TNPO2: variants seen among roughly 807,000 people sequenced by gnomAD.
The protein encoded by TNPO2 is transportin-2.
Under a neutral mutation model 111.1 loss-of-function variants are expected in TNPO2, and 16 were observed. That is an observed-to-expected ratio of 0.14 (90% CI 0.10 to 0.22). The LOEUF is 0.22. TNPO2 is among the 10% of genes least tolerant of loss of function. The probability of loss-of-function intolerance (pLI) is 1.00; values close to 1 mark genes in which losing one functional copy is unlikely to be tolerated. For missense variants in TNPO2, 530 were observed against 1,173.7 expected (o/e 0.45, Z 8.01); for synonymous variants, 481 against 475.8 (o/e 1.01, Z -0.14).
Position 12,700,847 on chromosome 19 carries a change from G to A in TNPO2, c.*417C>T, listed in dbSNP as rs766573905. Reference sequence around the variant, plus strand: ...GTTATGGCACCCGCACATGCGTGTGGCCATGTGTGTCCGTGTGAGTGTACG... The same window carrying A: ...GTTATGGCACCCGCACATGCGTGTGACCATGTGTGTCCGTGTGAGTGTACG... On this transcript the variant is annotated 3_prime_UTR_variant, in exon 26 of 26. Coordinates refer to ENST00000425528, the MANE Select transcript of TNPO2 (RefSeq NM_001382241.1). The A allele has an allele frequency of 2.6e-4, 42 of 159,312 alleles. No individual in the cohort carries two copies. Among genetic ancestry groups the A allele is most frequent in the Non-Finnish European group, 5.4e-4 (39 of 72,150 alleles). The allele number at this position is 159,312 out of a possible 1,614,324, so 9.9% of individuals were successfully genotyped here. A position where few individuals can be genotyped will look rare whatever the true frequency, so the allele number is the denominator to read the frequency against.
Position 12,706,437 on chromosome 19 carries a change from G to A in TNPO2, c.1497-70C>T, listed in dbSNP as rs373850178. ...GGTGACACTGGGCCATGGGCAGTTG[G>A]GGAGGGCAACTCAGGATCAGCCAGT... On this transcript the variant is annotated intron_variant, in intron 14 of 25. Coordinates refer to ENST00000425528, the MANE Select transcript of TNPO2 (RefSeq NM_001382241.1). This position sits in a 1 kb window ranked among gnomAD's most constrained non-coding sequence, Gnocchi z 7.0. 365 of 1,597,938 alleles carry A rather than the reference G, an allele frequency of 2.3e-4. 1 individual carries two copies. In the African/African-American group the frequency reaches 4.2e-3, roughly 18 times the overall value.
intron 13 of TNPO2, among the ~76,000 whole-genome samples, chr19:12,710,055 G>A (rs1599417135): frequency 2.0e-5 from 3 of 152,288 alleles, no homozygotes. Context: ...CCTGTAACAA[G>A]TTTTATGTCC....
At position 12,720,053 on chromosome 19, in the gene TNPO2, G is replaced by A. The variant is rs374637739; in HGVS notation, c.100-717C>T. 2.0e-5 allele frequency among the ~76,000 whole-genome samples: 3 copies of A among 151,602 alleles called. No homozygotes were observed. The East Asian group carries it at 5.8e-4, about 29-fold the overall frequency. ...TTATTTTCAGACAGAGTCTCACTCT[G>A]TCACTTAGGCTGGAGTGCAGTGGCA... On this transcript the variant is annotated intron_variant, in intron 3 of 25. Transcript: ENST00000425528.
chr19:12,719,692 G>C lies in TNPO2; in HGVS notation c.100-356C>G, dbSNP rs944430449. 6.6e-5 allele frequency among the ~76,000 whole-genome samples: 10 copies of C among 152,048 alleles called. No individual in the cohort carries two copies. The highest frequency in any genetic ancestry group is 1.0e-4 in the Non-Finnish European group (7 of 68,006). The stretch of plus-strand genomic sequence containing the variant: ...TGCGTGCCTCTATTCCCAACTACTT[G>C]GGAGGCTGACGCAGGGGAATCGCTT... On this transcript the variant is annotated intron_variant, in intron 3 of 25. Coordinates refer to ENST00000425528, the MANE Select transcript of TNPO2 (RefSeq NM_001382241.1). The surrounding 1 kb of genome is among the most constrained non-coding windows in gnomAD (Gnocchi z 5.0).
At position 12,701,603 on chromosome 19, in the gene TNPO2, A is replaced by G; in HGVS notation, c.2581T>C (p.Tyr861His). The change falls in exon 24 of 26, where the codon TAT becomes CAT. Residue 861 changes from tyrosine (Y) to histidine (H), a missense_variant. Coordinates refer to ENST00000425528, the MANE Select transcript of TNPO2 (RefSeq NM_001382241.1). The surrounding 1 kb of genome is among the most constrained non-coding windows in gnomAD (Gnocchi z 5.0). ...SPKDDLRDMFYKILHGFKDQV... is the reference protein window; with the variant it reads ...SPKDDLRDMFHKILHGFKDQV... ...GGGCCCAGACAGAGCCTCACCTTATAAAACATGTCCCGAAGGTCATCCTTC... is the reference window on the plus strand; with the variant it reads ...GGGCCCAGACAGAGCCTCACCTTATGAAACATGTCCCGAAGGTCATCCTTC... 6.2e-7 allele frequency: 1 copy of G among 1,613,678 alleles called. No individual in the cohort carries two copies. The highest frequency in any genetic ancestry group is 8.5e-7 in the Non-Finnish European group (1 of 1,179,796).
Position 12,706,089 on chromosome 19 carries a change from G to A in TNPO2, c.1668+107C>T, listed in dbSNP as rs1213048179. The A allele has an allele frequency of 7.7e-7, 1 of 1,297,850 alleles. No homozygotes were observed. The highest frequency in any genetic ancestry group is 1.4e-5 in the South Asian group (1 of 70,914). 80.4% of individuals were successfully genotyped at this position (1,297,850 alleles called of 1,614,324 possible). On this transcript the variant is annotated intron_variant, in intron 15 of 25. Transcript: ENST00000425528. The surrounding 1 kb of genome is among the most constrained non-coding windows in gnomAD (Gnocchi z 7.0). ...CGGGGCCGGGTCTGTCTGTCTGCCT[G>A]TCGAGGTCACGGCCACGTCCCTGGC... is the stretch of plus-strand genomic sequence containing the variant.
At position 12,700,453 on chromosome 19, in the gene TNPO2, C is replaced by G. The variant is rs957089837; in HGVS notation, c.*811G>C. 6.6e-6 allele frequency: 1 copy of G among 152,320 alleles called. No homozygotes were observed. The highest frequency in any genetic ancestry group is 2.4e-5 in the African/African-American group (1 of 41,462). The allele number at this position is 152,320 out of a possible 1,614,324, so 9.4% of individuals were successfully genotyped here. ...GCACACAGGAAGGAGAAACGGTGAC[C>G]TCTGGCCAGCCCCAGCCACTCCAGT... is the stretch of plus-strand genomic sequence containing the variant. On this transcript the variant is annotated 3_prime_UTR_variant, in exon 26 of 26. Coordinates refer to ENST00000425528, the MANE Select transcript of TNPO2 (RefSeq NM_001382241.1).
intron 20 of TNPO2, 135 bp from the exon 21 acceptor site, chr19:12,703,053 A>G: frequency 2.6e-6 from 2 of 763,842 alleles, no homozygotes; most frequent in Non-Finnish European, 4.3e-6. Context: ...GAAACAAAAG[A>G]CCTTCTCCGG....
In TNPO2 at chr19:12,710,652, C is replaced by A. The variant is rs749009497; in HGVS notation, c.1239G>T (p.Ser413=). The part of the protein sequence containing the change: ...LFHPEWVVKE[S]GILVLGAIAE... ...CAATGGCGCCCAGCACCAGGATGCC[C>A]GACTCCTTGACCACCCACTCGGGGT... Residue 413 remains serine, a synonymous_variant, in exon 13 of 26, where the codon TCG becomes TCT. Coordinates refer to ENST00000425528, the MANE Select transcript of TNPO2 (RefSeq NM_001382241.1). 1.9e-6 allele frequency: 3 copies of A among 1,613,292 alleles called. No individual in the cohort carries two copies. In the Admixed American group the frequency reaches 5.0e-5, roughly 27 times the overall value.
In TNPO2 at chr19:12,706,073, G is replaced by A. The variant is rs2025642117; in HGVS notation, c.1668+123C>T. On this transcript the variant is annotated intron_variant, in intron 15 of 25. Transcript: ENST00000425528. The surrounding 1 kb of genome is among the most constrained non-coding windows in gnomAD (Gnocchi z 7.0). ...GGGAGCAGGGCGAGGGCGGGGCCGG[G>A]TCTGTCTGTCTGCCTGTCGAGGTCA... 3 of 1,119,906 alleles carry A rather than the reference G, an allele frequency of 2.7e-6. No individual in the cohort carries two copies. The highest frequency in any genetic ancestry group is 3.8e-6 in the Non-Finnish European group (3 of 793,272). 69.4% of individuals were successfully genotyped at this position (1,119,906 alleles called of 1,614,324 possible).
intron 20 of TNPO2, 93 bp downstream of exon 20, chr19:12,703,335 C>A: frequency 1.7e-6 from 2 of 1,209,244 alleles, no homozygotes; most frequent in South Asian, 2.5e-5. Context: ...AGAGACTTGC[C>A]TTGAAGGAAG....
In TNPO2 at chr19:12,706,421, G is replaced by C. The variant is rs753296957; in HGVS notation, c.1497-54C>G. The C allele has an allele frequency of 2.5e-6, 4 of 1,607,536 alleles. No individual in the cohort carries two copies. The highest frequency in any genetic ancestry group is 1.1e-5 in the South Asian group (1 of 90,952). ...TCAGTGGACCATGGCAGGTGACACT[G>C]GGCCATGGGCAGTTGGGGAGGGCAA... On this transcript the variant is annotated intron_variant, in intron 14 of 25. Transcript: ENST00000425528. This position sits in a 1 kb window ranked among gnomAD's most constrained non-coding sequence, Gnocchi z 7.0.
Position 12,705,637 on chromosome 19 carries a change from G to T in TNPO2, c.1756-38C>A. ...AAGGCAGGTGGGGAGAACTCAGGCA[G>T]GGTGGGCAGGATGGGTTTCGGGTGA... On this transcript the variant is annotated intron_variant, in intron 16 of 25. Transcript: ENST00000425528. This position sits in a 1 kb window ranked among gnomAD's most constrained non-coding sequence, Gnocchi z 7.2. 6.4e-7 allele frequency: 1 copy of T among 1,574,188 alleles called. No individual in the cohort carries two copies. The highest frequency in any genetic ancestry group is 2.3e-5 in the East Asian group (1 of 43,050).
intron 13 of TNPO2, among the ~76,000 whole-genome samples, chr19:12,707,907 G>A (rs946567071): frequency 1.1e-4 from 17 of 151,506 alleles, no homozygotes; most frequent in African/African-American, 3.4e-4. Context: ...TGCAACCTCC[G>A]CCTCCCTGAT....
At position 12,705,812 on chromosome 19, in the gene TNPO2, C is replaced by A. The variant is rs911340709; in HGVS notation, c.1669-44G>T. 1.0e-5 allele frequency: 14 copies of A among 1,348,166 alleles called. No homozygotes were observed. The highest frequency in any genetic ancestry group is 1.5e-5 in the African/African-American group (1 of 66,778). 83.5% of individuals were successfully genotyped at this position (1,348,166 alleles called of 1,614,324 possible). On this transcript the variant is annotated intron_variant, in intron 15 of 25. Transcript: ENST00000425528. The surrounding 1 kb of genome is among the most constrained non-coding windows in gnomAD (Gnocchi z 7.2). ...ATGGGCGCTCCCTGGGTCGGGGTGGCAGACTGTGACTCAGGTACCTGTTGC... is the reference window on the plus strand; with the variant it reads ...ATGGGCGCTCCCTGGGTCGGGGTGGAAGACTGTGACTCAGGTACCTGTTGC...
chr19:12,706,399 G>C lies in TNPO2; in HGVS notation c.1497-32C>G. 2 of 1,613,746 alleles carry C rather than the reference G, an allele frequency of 1.2e-6. No homozygotes were observed. The highest frequency in any genetic ancestry group is 1.7e-6 in the Non-Finnish European group (2 of 1,179,882). ...GGAGGGAGGATGAAGCGGGGGCTCA[G>C]TGGACCATGGCAGGTGACACTGGGC... On this transcript the variant is annotated intron_variant, in intron 14 of 25. Transcript: ENST00000425528. The surrounding 1 kb of genome is among the most constrained non-coding windows in gnomAD (Gnocchi z 7.0).
chr19:12,701,602 T>G lies in TNPO2; in HGVS notation c.2582A>C (p.Tyr861Ser). The G allele has an allele frequency of 6.2e-7, 1 of 1,613,592 alleles. No homozygotes were observed. The highest frequency in any genetic ancestry group is 8.5e-7 in the Non-Finnish European group (1 of 1,179,800). ...AGGGCCCAGACAGAGCCTCACCTTA[T>G]AAAACATGTCCCGAAGGTCATCCTT... Reference protein sequence around the residue: ...SPKDDLRDMFYKILHGFKDQV... With the variant: ...SPKDDLRDMFSKILHGFKDQV... The change falls in exon 24 of 26, where the codon TAT becomes TCT. Residue 861 changes from tyrosine (Y) to serine (S), a missense_variant. By Grantham distance (144) the Tyr-to-Ser change is moderately radical. This residue lies in a region of TNPO2 where 103 missense variants were observed against 156.7 expected (regional missense o/e 0.66). Transcript: ENST00000425528. The surrounding 1 kb of genome is among the most constrained non-coding windows in gnomAD (Gnocchi z 5.0).
At position 12,711,377 on chromosome 19, in the gene TNPO2, G is replaced by C; in HGVS notation, c.1036C>G (p.Pro346Ala). ...RFHKSRTVTL[P>A]HEAERPDGSE... ...CCATCAGGCCGCTCAGCCTCGTGGG[G>C]CAGTGTGACCGTGCGTGACTTGTGG... Residue 346 changes from proline to alanine, a missense_variant, in exon 12 of 26, where the codon CCC (proline) becomes GCC (alanine). Transcript: ENST00000425528. 6.2e-7 allele frequency: 1 copy of C among 1,614,048 alleles called. No homozygotes were observed. Among genetic ancestry groups the C allele is most frequent in the African/African-American group, 1.3e-5 (1 of 75,060 alleles).
At chr19:12,714,103 T>C (rs2026228943) in intron 10 of TNPO2, among the ~76,000 whole-genome samples, 1 of 152,122 alleles carries the variant, frequency 6.6e-6, no homozygotes, top group African/African-American at 2.4e-5. Context: ...GTTTTAGGAC[T>C]TTTGTTGGAA....
Sources: allele counts gnomAD v4.1 joint callset (sites outside exome capture counted in the v4.1 genomes callset), GRCh38; gene constraint gnomAD v4.1.1; regional missense constraint gnomAD v4.1.1; non-coding constraint Gnocchi (gnomAD v3.1); transcripts MANE v1.5; gene names NCBI Gene and HGNC (gene_info 2026-07-23, HGNC 2026-07-21).